The following ADGRL3 variants were observed in gnomAD, a reference collection of about 807,000 sequenced individuals.
The protein encoded by ADGRL3 is adhesion G protein-coupled receptor L3.
ADGRL3 carries 62 observed loss-of-function variants against 153.5 expected under a neutral mutation model. The ratio of observed to expected loss-of-function variants is 0.40; its 90% CI spans 0.33 to 0.50. The LOEUF (loss-of-function observed/expected upper bound fraction) is 0.50. ADGRL3 is among the 20% of genes least tolerant of loss of function. The pLI, the probability that ADGRL3 is intolerant of heterozygous loss-of-function variation, is 0.47. For synonymous variants in ADGRL3, 710 were observed against 672.5 expected (o/e 1.06, Z -0.86); for missense variants, 1,641 against 1,859.4 (o/e 0.88, Z 2.16).
At chr4:61,866,239 G>A (rs1451174795) in intron 9 of ADGRL3, among the ~76,000 whole-genome samples, 1 of 152,098 alleles carries the variant, frequency 6.6e-6, no homozygotes, top group South Asian at 2.1e-4. Context: ...TACGGCAAAC[G>A]TACTAAGCTT....
chr4:61,798,802 A>G (rs961997284), intron 8 of ADGRL3, among the ~76,000 whole-genome samples: 11 of 150,884 alleles, frequency 7.3e-5, no homozygotes, highest in African/African-American at 2.7e-4. Context: ...TGTTTTTAGT[A>G]GAGACAGGGT....
At chr4:61,496,664 G>A (rs915951674) in intron 2 of ADGRL3, among the ~76,000 whole-genome samples, 6 of 148,064 alleles carry the variant, frequency 4.1e-5, no homozygotes, top group Non-Finnish European at 8.9e-5. Flanking sequence ...AGAAAAGGCC[G>A]GGCGTGGTGG....
chr4:61,551,074 A>G (rs2098738140), intron 4 of ADGRL3, among the ~76,000 whole-genome samples: 1 of 152,050 alleles, frequency 6.6e-6, no homozygotes, highest in South Asian at 2.1e-4. Flanking sequence ...TTCTTTTCTC[A>G]TATCAGCTTA....
chr4:61,364,009 T>C (rs1465843536), intron 1 of ADGRL3, among the ~76,000 whole-genome samples: 1 of 151,964 alleles, frequency 6.6e-6, no homozygotes, highest in Non-Finnish European at 1.5e-5. Flanking sequence ...ATAAATAATA[T>C]ATGCCGTCCT....
intron 5 of ADGRL3, among the ~76,000 whole-genome samples, chr4:61,634,324 G>A (rs779192030): frequency 2.0e-5 from 3 of 152,096 alleles, no homozygotes; most frequent in African/African-American, 4.8e-5. Context: ...CTACTTAACA[G>A]CTCCATACAA....
intron 1 of ADGRL3, among the ~76,000 whole-genome samples, chr4:61,353,612 T>TG (rs1448542763): frequency 6.7e-6 from 1 of 148,858 alleles, no homozygotes; most frequent in African/African-American, 2.5e-5. Flanking sequence ...TTTTTTTTTT[T>TG]TTTTTTTTTG....
At chr4:61,520,192 G>A (rs1458916886) in intron 4 of ADGRL3, among the ~76,000 whole-genome samples, 2 of 152,144 alleles carry the variant, frequency 1.3e-5, no homozygotes, top group Non-Finnish European at 2.9e-5. Flanking sequence ...TTTTTAGCAT[G>A]TTAAAGCAGA....
intron 13 of ADGRL3, among the ~76,000 whole-genome samples, chr4:61,927,129 A>G (rs771124220): frequency 1.1e-4 from 17 of 152,172 alleles, no homozygotes; most frequent in Non-Finnish European, 2.4e-4. Flanking sequence ...CCTTGAGGGA[A>G]GGGAGAACAT....
chr4:62,070,299 T>C lies in ADGRL3; in HGVS notation c.4023T>C (p.Tyr1341=), dbSNP rs370704410. 6.5e-5 allele frequency: 102 copies of C among 1,564,406 alleles called. 1 individual carries two copies. Among genetic ancestry groups the C allele is most frequent in the Non-Finnish European group, 8.7e-5 (100 of 1,153,286 alleles). The change falls in exon 27 of 27, where the codon TAT becomes TAC. Residue 1341 remains tyrosine (Y), a synonymous_variant. Transcript: ENST00000683033. ...TTCTGAAGGAACTCACTTCCAACTA[T>C]ATCCCTTCTTACCTGAACAACCATG... ...KKILKELTSN[Y]IPSYLNNHER... is the part of the protein sequence containing the mutation.
At chr4:61,299,610 T>G (rs1246884517) in intron 1 of ADGRL3, among the ~76,000 whole-genome samples, 1 of 152,204 alleles carries the variant, frequency 6.6e-6, no homozygotes, top group Non-Finnish European at 1.5e-5. Context: ...AGCATCAACT[T>G]AAGCAAATGT....
intron 2 of ADGRL3, chr4:61,426,908 C>T (rs757322268): frequency 6.6e-6 from 1 of 152,204 alleles, no homozygotes; most frequent in Non-Finnish European, 1.5e-5. Flanking sequence ...CAAGTCAATT[C>T]CCATCTGTGT....
intron 1 of ADGRL3, among the ~76,000 whole-genome samples, chr4:61,372,909 G>A (rs564255685): frequency 2.0e-5 from 3 of 152,232 alleles, no homozygotes; most frequent in Non-Finnish European, 4.4e-5. Flanking sequence ...CTCCGAGCCA[G>A]GTGCGGGATA....
intron 1 of ADGRL3, among the ~76,000 whole-genome samples, chr4:61,297,017 C>A (rs894478001): frequency 1.3e-5 from 2 of 152,150 alleles, no homozygotes; most frequent in African/African-American, 4.8e-5. Context: ...ACTTCCCCTA[C>A]TCCAAAGATA....
chr4:61,252,690 C>CT (rs5858685), intron 1 of ADGRL3, among the ~76,000 whole-genome samples: 71,691 of 147,918 alleles, frequency 0.48, 17,289 homozygotes, highest in Non-Finnish European at 0.5. Flanking sequence ...ATTAGATGAA[C>CT]TTTTTTTTTT....
At chr4:61,257,926 ATG>A (rs2092144876) in intron 1 of ADGRL3, among the ~76,000 whole-genome samples, 1 of 151,834 alleles carries the variant, frequency 6.6e-6, no homozygotes, top group South Asian at 2.1e-4. Flanking sequence ...TTTGGGGAAA[ATG>A]TGTGTGTGGC....
At chr4:61,832,817 T>TC (rs1020332455) in intron 9 of ADGRL3, among the ~76,000 whole-genome samples, 1 of 151,384 alleles carries the variant, frequency 6.6e-6, no homozygotes, top group African/African-American at 2.4e-5. Flanking sequence ...TTTTTCTTTT[T>TC]TTTTTTTTTT....
intron 2 of ADGRL3, among the ~76,000 whole-genome samples, chr4:61,467,579 T>C (rs1437567971): frequency 1.3e-5 from 2 of 151,894 alleles, no homozygotes; most frequent in African/African-American, 2.4e-5. Flanking sequence ...CTTTAAAAAC[T>C]GTGTCCATGA....
At chr4:61,203,961 A>G (rs1410071460) in intron 1 of ADGRL3, among the ~76,000 whole-genome samples, 1 of 151,904 alleles carries the variant, frequency 6.6e-6, no homozygotes, top group Admixed American at 6.6e-5. Context: ...GTACATAGAT[A>G]AACACAGTTT....
At chr4:61,741,161 G>A (rs1371057426) in intron 8 of ADGRL3, among the ~76,000 whole-genome samples, 5 of 152,134 alleles carry the variant, frequency 3.3e-5, no homozygotes, top group South Asian at 2.1e-4. Flanking sequence ...AAACTGCCAC[G>A]TGTTTAATAG....
Sources: allele counts gnomAD v4.1 joint callset (sites outside exome capture counted in the v4.1 genomes callset), GRCh38; gene constraint gnomAD v4.1.1; transcripts MANE v1.5; gene names NCBI Gene and HGNC (gene_info 2026-07-23, HGNC 2026-07-21).